The following PHF2 variants were observed in gnomAD, a reference collection of about 807,000 sequenced individuals.
PHF2 encodes the protein PHD finger protein 2, also known as lysine-specific demethylase PHF2.
Under a neutral mutation model 120.5 loss-of-function variants are expected in PHF2, and 27 were observed. The observed-to-expected ratio is 0.22, with a 90% confidence interval of 0.17 to 0.31. PHF2 has a LOEUF of 0.31. Among genes scored for constraint, PHF2 ranks in the 10% least tolerant of loss-of-function variants. PHF2 has a pLI of 1.00. For missense variants in PHF2, 1,024 were observed against 1,434.8 expected, an observed-to-expected ratio of 0.71 and a Z score of 4.63; for synonymous variants, 568 against 592.5, an observed-to-expected ratio of 0.96 and a Z score of 0.60.
At chr9:93,608,334 A>ATT (rs1554792625) in intron 1 of PHF2, among the ~76,000 whole-genome samples, 1,936 of 150,168 alleles carry the variant, frequency 0.013, 18 homozygotes, top group Non-Finnish European at 0.021. Flanking sequence ...TAATAATAAT[A>ATT]ATTATTATTT....
intron 1 of PHF2, among the ~76,000 whole-genome samples, chr9:93,623,196 G>A (rs1474609216): frequency 6.6e-6 from 1 of 152,212 alleles, no homozygotes; most frequent in Non-Finnish European, 1.5e-5. Flanking sequence ...GATGTGCAAT[G>A]TGGATTCTGG....
At chr9:93,611,415 CAA>C (rs35037748) in intron 1 of PHF2, among the ~76,000 whole-genome samples, 29 of 140,824 alleles carry the variant, frequency 2.1e-4, no homozygotes, top group Non-Finnish European at 2.9e-4. Context: ...AACTCTGTCT[CAA>C]AAAAAAAAAA....
At position 93,656,498 on chromosome 9, in the gene PHF2, A is replaced by G. The variant is rs576941191; in HGVS notation, c.1050A>G (p.Glu350=). 1 of 1,612,500 alleles carries G rather than the reference A, an allele frequency of 6.2e-7. No homozygotes were observed. The highest frequency in any genetic ancestry group is 2.2e-5 in the East Asian group (1 of 44,840). Residue 350 remains glutamate (E), a synonymous_variant, in exon 9 of 22, where the codon GAA becomes GAG. Transcript: ENST00000359246. The surrounding 1 kb of genome is among the most constrained non-coding windows in gnomAD (Gnocchi z 4.1). ...CTTTGGTGGCTTCTAGAGCATATGAAGTGGAAAGGAGGTTGAAACTGGGCA... is the reference window on the plus strand; with the variant it reads ...CTTTGGTGGCTTCTAGAGCATATGAGGTGGAAAGGAGGTTGAAACTGGGCA... ...LSVEMQMRAY[E]VERRLKLGSL...
intron 1 of PHF2, among the ~76,000 whole-genome samples, chr9:93,581,766 G>A (rs557095789): frequency 2.6e-4 from 39 of 152,290 alleles, no homozygotes; most frequent in African/African-American, 9.1e-4. Context: ...TAAAATCTGG[G>A]CAGAGATTTG....
At chr9:93,653,600 G>A (rs890791910) in intron 6 of PHF2, among the ~76,000 whole-genome samples, 1 of 152,204 alleles carries the variant, frequency 6.6e-6, no homozygotes, top group African/African-American at 2.4e-5. Flanking sequence ...ATTCAGGCTC[G>A]TTAACAATTG....
chr9:93,627,287 C>T (rs1825928283), intron 1 of PHF2, among the ~76,000 whole-genome samples: 2 of 151,994 alleles, frequency 1.3e-5, no homozygotes, highest in African/African-American at 4.8e-5. Flanking sequence ...ATTTTATTTT[C>T]AGATTATTCA....
chr9:93,641,385 GT>G (rs1402142403), intron 3 of PHF2, among the ~76,000 whole-genome samples: 4 of 152,138 alleles, frequency 2.6e-5, no homozygotes, highest in African/African-American at 9.7e-5. Context: ...GTTCCTACAG[GT>G]CACTGCCTCC....
chr9:93,603,176 A>G lies in PHF2; in HGVS notation c.98+26305A>G, dbSNP rs1352778536. 5.3e-5 allele frequency among the ~76,000 whole-genome samples: 8 copies of G among 152,270 alleles called. No homozygotes were observed. The East Asian group carries it at 9.7e-4, about 18-fold the overall frequency. ...GGTGCCGAGGGCTGGGCTCTGCCTC[A>G]GTAGGCTATGTGGACAGGAGGAACA... On this transcript the variant is annotated intron_variant, in intron 1 of 21. Transcript: ENST00000359246.
intron 3 of PHF2, among the ~76,000 whole-genome samples, chr9:93,641,248 GAAC>G (rs1260746073): frequency 6.6e-6 from 1 of 152,166 alleles, no homozygotes; most frequent in Non-Finnish European, 1.5e-5. Context: ...TTGTTATGGA[GAAC>G]AACACTCTGG....
chr9:93,634,290 C>T (rs1198490857), intron 2 of PHF2, among the ~76,000 whole-genome samples: 1 of 152,188 alleles, frequency 6.6e-6, no homozygotes, highest in Non-Finnish European at 1.5e-5. Context: ...TTCACAGTCA[C>T]TGAGGCTTAG....
At chr9:93,654,690 A>G in intron 7 of PHF2, 115 bp downstream of exon 7, 1 of 986,524 alleles carries the variant, frequency 1.0e-6, no homozygotes, top group Non-Finnish European at 1.6e-6. Flanking sequence ...CATCCCTGGC[A>G]TGCCTGCTCC....
chr9:93,636,935 G>T (rs995210638), intron 3 of PHF2, among the ~76,000 whole-genome samples: 1 of 152,160 alleles, frequency 6.6e-6, no homozygotes, highest in African/African-American at 2.4e-5. Flanking sequence ...GAGACCCCCA[G>T]TGCCCACACT....
chr9:93,600,347 G>A (rs10821174), intron 1 of PHF2, among the ~76,000 whole-genome samples: 56,964 of 151,960 alleles, frequency 0.37, 11,002 homozygotes, highest in Non-Finnish European at 0.4. Flanking sequence ...AGCTCCTGGA[G>A]GGCAGGGCAC....
chr9:93,667,018 C>T (rs1367299057), intron 16 of PHF2, 62 bp from the exon 17 acceptor site: 1 of 1,464,480 alleles, frequency 6.8e-7, no homozygotes, highest in Non-Finnish European at 9.1e-7. Flanking sequence ...CTCCTCCCAA[C>T]TCCCAGGCCA....
intron 1 of PHF2, among the ~76,000 whole-genome samples, chr9:93,593,474 T>C (rs1273615223): frequency 6.6e-6 from 1 of 152,258 alleles, no homozygotes; most frequent in African/African-American, 2.4e-5. Flanking sequence ...GCTCTACATC[T>C]GCATACAATT....
At chr9:93,597,941 C>T (rs1348719809) in intron 1 of PHF2, among the ~76,000 whole-genome samples, 3 of 152,190 alleles carry the variant, frequency 2.0e-5, no homozygotes, top group Non-Finnish European at 4.4e-5. Context: ...CTCTACTCCT[C>T]TGGGCACTCT....
At chr9:93,632,644 G>A (rs1186118009) in intron 2 of PHF2, among the ~76,000 whole-genome samples, 1 of 152,050 alleles carries the variant, frequency 6.6e-6, no homozygotes, top group Non-Finnish European at 1.5e-5. Context: ...CATTCAGGAG[G>A]ACTTTACCCT....
intron 1 of PHF2, among the ~76,000 whole-genome samples, chr9:93,621,650 G>A (rs1003166590): frequency 2.6e-5 from 4 of 152,214 alleles, no homozygotes; most frequent in African/African-American, 9.7e-5. Flanking sequence ...ATCCCCACCT[G>A]ACCTTTGTGC....
intron 18 of PHF2, 130 bp from the exon 19 acceptor site, chr9:93,674,797 C>T (rs994794576): frequency 1.1e-5 from 7 of 644,516 alleles, no homozygotes; most frequent in African/African-American, 5.4e-5. Flanking sequence ...AGTGACACAG[C>T]GTGGCAGGCC....
Sources: gnomAD v4.1 joint callset for allele counts (sites outside exome capture counted in the v4.1 genomes callset) on GRCh38, gnomAD v4.1.1 for gene constraint, Gnocchi (gnomAD v3.1) non-coding constraint, MANE v1.5 for transcripts, NCBI Gene and HGNC (gene_info 2026-07-23, HGNC 2026-07-21) for gene names.